The following TNR variants were observed in gnomAD, a reference collection of about 807,000 sequenced individuals.
The protein encoded by TNR is tenascin-R.
TNR carries 45 observed loss-of-function variants against 150.4 expected under a neutral mutation model. The observed-to-expected ratio is 0.30, with a 90% confidence interval of 0.24 to 0.38. The LOEUF is 0.38. TNR is among the 10% of genes least tolerant of loss of function. The probability of loss-of-function intolerance (pLI) is 1.00; values close to 1 mark genes in which losing one functional copy is unlikely to be tolerated. For missense variants in TNR, 1,544 were observed against 1,759.1 expected, an observed-to-expected ratio of 0.88 and a Z score of 2.19; for synonymous variants, 687 against 678.4, an observed-to-expected ratio of 1.01 and a Z score of -0.20.
intron 1 of TNR, among the ~76,000 whole-genome samples, chr1:175,700,223 C>T (rs935064358): frequency 6.6e-6 from 1 of 151,916 alleles, no homozygotes; most frequent in East Asian, 1.9e-4. Context: ...CAGGAACAGC[C>T]CTCTCTTGGC....
intron 2 of TNR, among the ~76,000 whole-genome samples, chr1:175,427,432 C>A (rs546443506): frequency 6.6e-6 from 1 of 151,954 alleles, no homozygotes; most frequent in Middle Eastern, 3.4e-3. Context: ...ATGTATGTTG[C>A]TTTTTTATAC....
intron 1 of TNR, among the ~76,000 whole-genome samples, chr1:175,680,693 G>C (rs1666007762): frequency 6.6e-6 from 1 of 152,134 alleles, no homozygotes; most frequent in African/African-American, 2.4e-5. Flanking sequence ...ATAAGGGGTG[G>C]GGACAGGGCA....
chr1:175,403,971 T>A (rs954763455), intron 3 of TNR, among the ~76,000 whole-genome samples: 2 of 151,400 alleles, frequency 1.3e-5, no homozygotes, highest in Non-Finnish European at 1.5e-5. Context: ...TAGGGAAGAG[T>A]GGAAAGTTGG....
intron 9 of TNR, among the ~76,000 whole-genome samples, chr1:175,378,899 G>A (rs1347516382): frequency 6.6e-6 from 1 of 152,202 alleles, no homozygotes; most frequent in Non-Finnish European, 1.5e-5. Flanking sequence ...TCACTGGAAG[G>A]CCAGGTGCAG....
At chr1:175,414,100 TA>T (rs34027515) in intron 2 of TNR, among the ~76,000 whole-genome samples, 103,646 of 151,906 alleles carry the variant, frequency 0.68, 35,751 homozygotes, top group East Asian at 0.83. Context: ...TCCTGGGTGA[TA>T]AGAGTAAGAT....
At chr1:175,562,574 A>G (rs1478682487) in intron 1 of TNR, among the ~76,000 whole-genome samples, 1 of 152,242 alleles carries the variant, frequency 6.6e-6, no homozygotes, top group African/African-American at 2.4e-5. Flanking sequence ...TAAGCAAGGG[A>G]GAACACACAC....
chr1:175,536,696 C>T (rs1660304596), intron 1 of TNR, among the ~76,000 whole-genome samples: 1 of 152,190 alleles, frequency 6.6e-6, no homozygotes, highest in Non-Finnish European at 1.5e-5. Flanking sequence ...TTGACCTTCT[C>T]AGCTAGAATA....
At chr1:175,549,355 G>A (rs1571593039) in intron 1 of TNR, among the ~76,000 whole-genome samples, 1 of 152,252 alleles carries the variant, frequency 6.6e-6, no homozygotes, top group African/African-American at 2.4e-5. Context: ...ATGCATTGAT[G>A]AGGGTATGAG....
In TNR at chr1:175,322,036, A is replaced by T. The variant is rs1413827779; in HGVS notation, c.*1321T>A. ...TCGGTTTGCAATTCAGAAAAAAAGA[A>T]TCTGTGACAAATAGGACCAGAAATG... On this transcript the variant is annotated 3_prime_UTR_variant, in exon 23 of 23. Transcript: ENST00000367674. 1 of 152,234 alleles carries T rather than the reference A, an allele frequency of 6.6e-6. No individual in the cohort carries two copies. Among genetic ancestry groups the T allele is most frequent in the African/African-American group, 2.4e-5 (1 of 41,462 alleles). 9.4% of individuals were successfully genotyped at this position (152,234 alleles called of 1,614,324 possible). A position where few individuals can be genotyped will look rare whatever the true frequency, so the allele number is the denominator to read the frequency against.
At chr1:175,381,351 A>G (rs1442051345) in intron 8 of TNR, among the ~76,000 whole-genome samples, 1 of 152,198 alleles carries the variant, frequency 6.6e-6, no homozygotes, top group African/African-American at 2.4e-5. Flanking sequence ...TCACAACTAA[A>G]AACCCAGGCC....
At chr1:175,603,949 A>G (rs1663330552) in intron 1 of TNR, among the ~76,000 whole-genome samples, 2 of 152,152 alleles carry the variant, frequency 1.3e-5, no homozygotes, top group African/African-American at 4.8e-5. Context: ...TTTTATTTTC[A>G]GTATTTTATT....
At chr1:175,642,808 G>T (rs73033358) in intron 1 of TNR, among the ~76,000 whole-genome samples, 3,407 of 152,274 alleles carry the variant, frequency 0.022, 113 homozygotes, top group African/African-American at 0.075. Flanking sequence ...GCATGTATCT[G>T]TAATTCCAGC....
intron 1 of TNR, among the ~76,000 whole-genome samples, chr1:175,736,525 A>T (rs1667777401): frequency 1.3e-5 from 2 of 152,042 alleles, no homozygotes; most frequent in Admixed American, 1.3e-4. Flanking sequence ...TATCTCAAAA[A>T]AAAAAAGATG....
At chr1:175,436,424 T>A (rs575921854) in intron 2 of TNR, among the ~76,000 whole-genome samples, 2 of 152,332 alleles carry the variant, frequency 1.3e-5, no homozygotes, top group East Asian at 3.9e-4. Flanking sequence ...TTCCAGTTAA[T>A]CGAATCGGCT....
chr1:175,401,234 G>C (rs10798392), intron 4 of TNR, among the ~76,000 whole-genome samples: 57,475 of 151,998 alleles, frequency 0.38, 11,195 homozygotes, highest in East Asian at 0.54. Context: ...CTGTAGAAAG[G>C]CAGGGTCAAG....
intron 2 of TNR, among the ~76,000 whole-genome samples, chr1:175,493,390 C>A (rs1404716208): frequency 6.6e-6 from 1 of 152,196 alleles, no homozygotes; most frequent in Non-Finnish European, 1.5e-5. Context: ...CATCTCCTTG[C>A]TAATAGAACA....
intron 20 of TNR, among the ~76,000 whole-genome samples, chr1:175,331,046 T>TTTCC (rs1649771893): frequency 1.2e-5 from 1 of 82,898 alleles, no homozygotes; most frequent in African/African-American, 4.5e-5. Flanking sequence ...TCTTTCTTTC[T>TTTCC]TTCTTTCTTT....
intron 1 of TNR, among the ~76,000 whole-genome samples, chr1:175,552,829 C>A (rs1204568630): frequency 6.6e-6 from 1 of 152,176 alleles, no homozygotes; most frequent in Non-Finnish European, 1.5e-5. Context: ...TTTCTCGTGC[C>A]TCCAGATTTA....
intron 1 of TNR, among the ~76,000 whole-genome samples, chr1:175,734,835 G>A (rs1464213334): frequency 6.6e-6 from 1 of 152,228 alleles, no homozygotes; most frequent in Admixed American, 6.5e-5. Context: ...TGGCTCCAGA[G>A]CAAGGCAGCT....
Sources: gnomAD v4.1 joint callset for allele counts (sites outside exome capture counted in the v4.1 genomes callset) on GRCh38, gnomAD v4.1.1 for gene constraint, MANE v1.5 for transcripts, NCBI Gene and HGNC (gene_info 2026-07-23, HGNC 2026-07-21) for gene names.